PAPSS2: variants seen among roughly 807,000 people sequenced by gnomAD.
The protein encoded by PAPSS2 is bifunctional 3'-phosphoadenosine 5'-phosphosulfate synthase 2.
PAPSS2 carries 61 observed loss-of-function variants against 66.5 expected under a neutral mutation model. The observed-to-expected ratio is 0.92, with a 90% CI of 0.75 to 1.14. The LOEUF (loss-of-function observed/expected upper bound fraction) is 1.14. Ranked by LOEUF, PAPSS2 falls within the 50% of genes most tolerant of loss-of-function variation. The pLI is 0.00. For synonymous variants in PAPSS2, 289 were observed against 287.5 expected, an observed-to-expected ratio of 1.01 and a Z score of -0.05; for missense variants, 708 against 789.6, an observed-to-expected ratio of 0.90 and a Z score of 1.24.
chr10:87,709,074 T>C (rs1853430996), intron 1 of PAPSS2, 122 bp from the exon 2 acceptor site: 1 of 646,836 alleles, frequency 1.5e-6, no homozygotes, highest in Non-Finnish European at 2.8e-6. Context: ...AAATATTTTT[T>C]ATATAAGTTG....
rs540727274 is a variant in PAPSS2, at chr10:87,679,198, G to A, written c.27+19190G>A. On this transcript the variant is annotated intron_variant, in intron 1 of 12. Coordinates refer to ENST00000456849, the MANE Select transcript of PAPSS2 (RefSeq NM_001015880.2). ...AGGCACAGAAGGACAAACATTGCGT[G>A]TTTTCACTCATATGCAGAAGCTAGA... is the stretch of plus-strand genomic sequence containing the variant. 1.2e-4 allele frequency among the ~76,000 whole-genome samples: 18 copies of A among 152,264 alleles called. No individual in the cohort carries two copies. In the South Asian group the frequency reaches 3.5e-3, roughly 30 times the overall value.
At chr10:87,689,046 G>C (rs555155632) in intron 1 of PAPSS2, among the ~76,000 whole-genome samples, 4 of 152,198 alleles carry the variant, frequency 2.6e-5, no homozygotes, top group African/African-American at 9.6e-5. Flanking sequence ...AAAGAACCAG[G>C]GGTCAGGGCC....
intron 1 of PAPSS2, among the ~76,000 whole-genome samples, chr10:87,677,439 C>T (rs1852963414): frequency 6.6e-6 from 1 of 152,108 alleles, no homozygotes; most frequent in Non-Finnish European, 1.5e-5. Context: ...TTGTCCTTTT[C>T]CTCTAATTCT....
intron 1 of PAPSS2, among the ~76,000 whole-genome samples, chr10:87,696,419 A>G (rs910024264): frequency 6.6e-6 from 1 of 151,998 alleles, no homozygotes; most frequent in African/African-American, 2.4e-5. Context: ...AATTAATCTC[A>G]CCTCCACTTT....
chr10:87,709,029 A>G (rs1156335512), intron 1 of PAPSS2, among the ~76,000 whole-genome samples, 167 bp from the exon 2 acceptor site: 1 of 152,236 alleles, frequency 6.6e-6, no homozygotes, highest in Non-Finnish European at 1.5e-5. Flanking sequence ...AATGAAAAAA[A>G]CTATATTAGA....
chr10:87,708,019 G>A (rs1469528592), intron 1 of PAPSS2, among the ~76,000 whole-genome samples: 2 of 152,180 alleles, frequency 1.3e-5, no homozygotes, highest in African/African-American at 4.8e-5. Flanking sequence ...ACACACCGCA[G>A]ACATCTATGA....
intron 8 of PAPSS2, among the ~76,000 whole-genome samples, chr10:87,722,232 T>C (rs1222076943): frequency 2.0e-5 from 3 of 152,218 alleles, no homozygotes; most frequent in Non-Finnish European, 4.4e-5. Flanking sequence ...TTGTTTGCAA[T>C]GTATGATTAT....
chr10:87,691,017 G>A (rs1213140578), intron 1 of PAPSS2, among the ~76,000 whole-genome samples: 2 of 152,090 alleles, frequency 1.3e-5, no homozygotes, highest in East Asian at 3.8e-4. Context: ...GGGGTGAGGG[G>A]CAAGAGTTTC....
intron 1 of PAPSS2, among the ~76,000 whole-genome samples, chr10:87,698,105 T>G (rs934801585): frequency 6.6e-6 from 1 of 152,226 alleles, no homozygotes; most frequent in African/African-American, 2.4e-5. Flanking sequence ...CTCCATCTGT[T>G]TTTTTCTTTG....
chr10:87,736,257 T>G (rs1042008170), intron 9 of PAPSS2, among the ~76,000 whole-genome samples: 5 of 140,888 alleles, frequency 3.5e-5, no homozygotes, highest in African/African-American at 8.5e-5. Flanking sequence ...TTTCTTTTCT[T>G]TCTTTCTTTT....
At position 87,713,065 on chromosome 10, in the gene PAPSS2, T is replaced by C; in HGVS notation, c.146-10T>C. The C allele has an allele frequency of 6.5e-7, 1 of 1,532,802 alleles. No individual in the cohort carries two copies. Among genetic ancestry groups the C allele is most frequent in the Non-Finnish European group, 9.0e-7 (1 of 1,106,686 alleles). 95.0% of individuals were successfully genotyped at this position (1,532,802 alleles called of 1,614,324 possible). On this transcript the variant is annotated splice_polypyrimidine_tract_variant and intron_variant, in intron 2 of 12. Transcript: ENST00000456849. ...GGCCGATGTCAGTCTGTTTTATCTG[T>C]TCTGAACAGGTCTCTCTGGTGCTGG...
chr10:87,732,001 A>G (rs1009862665), intron 9 of PAPSS2, among the ~76,000 whole-genome samples: 2 of 152,230 alleles, frequency 1.3e-5, no homozygotes, highest in Non-Finnish European at 2.9e-5. Flanking sequence ...ACCATGCGTA[A>G]AATGCTATCA....
chr10:87,743,235 ACT>A, intron 10 of PAPSS2, 136 bp from the exon 11 acceptor site: 2 of 895,748 alleles, frequency 2.2e-6, no homozygotes, highest in South Asian at 1.4e-5. Context: ...ACAGAGTGAG[ACT>A]CTTTCAAAAA....
intron 9 of PAPSS2, among the ~76,000 whole-genome samples, 197 bp from the exon 10 acceptor site, chr10:87,741,038 G>T (rs1258074322): frequency 6.6e-6 from 1 of 152,130 alleles, no homozygotes; most frequent in Admixed American, 6.5e-5. Context: ...AGCTCATGGT[G>T]GGGGGTACTC....
chr10:87,719,948 C>T (rs1057281296), intron 7 of PAPSS2, among the ~76,000 whole-genome samples: 5 of 151,996 alleles, frequency 3.3e-5, no homozygotes, highest in Non-Finnish European at 7.4e-5. Flanking sequence ...TGCAGTGGCG[C>T]GATCTCTGCT....
At chr10:87,669,869 G>A (rs1852855742) in intron 1 of PAPSS2, among the ~76,000 whole-genome samples, 1 of 152,216 alleles carries the variant, frequency 6.6e-6, no homozygotes, top group African/African-American at 2.4e-5. Context: ...TTATTTCATA[G>A]AGGCAATGAC....
chr10:87,690,981 G>A (rs1227268241), intron 1 of PAPSS2, among the ~76,000 whole-genome samples: 1 of 152,062 alleles, frequency 6.6e-6, no homozygotes, highest in Admixed American at 6.6e-5. Flanking sequence ...CTTGTTCAAG[G>A]GAACATACAT....
At chr10:87,715,870 C>G in intron 7 of PAPSS2, 27 bp downstream of exon 7, 1 of 1,365,310 alleles carries the variant, frequency 7.3e-7, no homozygotes, top group South Asian at 1.2e-5. Flanking sequence ...GTTTCTTACT[C>G]TTTGTTGTTA....
At chr10:87,743,679 A>G (rs1413360732) in intron 11 of PAPSS2, 38 bp downstream of exon 11, 1 of 1,612,084 alleles carries the variant, frequency 6.2e-7, no homozygotes. Context: ...AGACTCAGGA[A>G]TTCAGACTCA....
Sources: gnomAD v4.1 joint callset for allele counts (sites outside exome capture counted in the v4.1 genomes callset) on GRCh38, gnomAD v4.1.1 for gene constraint, MANE v1.5 for transcripts, NCBI Gene and HGNC (gene_info 2026-07-23, HGNC 2026-07-21) for gene names.